Variants in CEP104 observed in about 807,000 individuals in gnomAD.
CEP104 encodes centrosomal protein 104.
A neutral mutation model predicts 113.3 loss-of-function variants in CEP104; 84 were observed. The observed-to-expected ratio is 0.74, with a 90% CI of 0.62 to 0.89. The LOEUF (loss-of-function observed/expected upper bound fraction) is 0.89. CEP104 is among the 40% of genes least tolerant of loss of function. The probability of loss-of-function intolerance (pLI) is 0.00; values close to 1 mark genes in which losing one functional copy is unlikely to be tolerated. For missense variants in CEP104, 1,053 were observed against 1,156.6 expected (o/e 0.91, Z 1.30); for synonymous variants, 378 against 421.7 (o/e 0.90, Z 1.27).
Position 3,850,924 on chromosome 1 carries a change from TC to T in CEP104, c.113+1370del, listed in dbSNP as rs1317819228. Among the ~76,000 whole-genome samples, 3 of 152,300 alleles carry T rather than the reference TC, an allele frequency of 2.0e-5. No homozygotes were observed. The East Asian group carries it at 5.8e-4, about 29-fold the overall frequency. On this transcript the variant is annotated intron_variant, in intron 2 of 21. Transcript: ENST00000378230. The stretch of plus-strand genomic sequence containing the variant: ...TGTGTGTATACTTGAGAATCTTCAA[TC>T]CCCAAATAACACGGAACATGTGCTG...
chr1:3,823,699 T>C lies in CEP104; in HGVS notation c.2365-137A>G. 2 of 1,019,656 alleles carry C rather than the reference T, an allele frequency of 2.0e-6. No homozygotes were observed. The highest frequency in any genetic ancestry group is 1.6e-5 in the African/African-American group (1 of 62,604). The allele number at this position is 1,019,656 out of a possible 1,614,324, so 63.2% of individuals were successfully genotyped here. A position where few individuals can be genotyped will look rare whatever the true frequency, so the allele number is the denominator to read the frequency against. On this transcript the variant is annotated intron_variant, in intron 18 of 21. Coordinates refer to ENST00000378230, the MANE Select transcript of CEP104 (RefSeq NM_014704.4). This position sits in a 1 kb window ranked among gnomAD's most constrained non-coding sequence, Gnocchi z 4.1. ...GCACATGAAGTAAGCCACAGGCTTC[T>C]ATCTTCGGCATTTGCCCACAGACTG... is the stretch of plus-strand genomic sequence containing the variant.
At chr1:3,831,303 T>A in intron 12 of CEP104, 81 bp from the exon 13 acceptor site, 1 of 1,257,704 alleles carries the variant, frequency 8.0e-7, no homozygotes, top group Non-Finnish European at 1.1e-6. Flanking sequence ...GATCTTAAAC[T>A]AAACACTGAA....
At chr1:3,830,768 C>T (rs1246903250) in intron 13 of CEP104, among the ~76,000 whole-genome samples, 3 of 101,778 alleles carry the variant, frequency 2.9e-5, no homozygotes, top group African/African-American at 8.1e-5. Flanking sequence ...CAGAACGAGA[C>T]TCCATCTCAA....
chr1:3,824,366 G>A lies in CEP104; in HGVS notation c.2365-804C>T, dbSNP rs189655675. On this transcript the variant is annotated intron_variant, in intron 18 of 21. Transcript: ENST00000378230. ...CTCCCCAAGTGCTAGGATTACAGGC[G>A]TGAGCCACCTGCCCAGCCAGGTATT... 3.5e-4 allele frequency among the ~76,000 whole-genome samples: 53 copies of A among 152,330 alleles called. 1 individual carries two copies. Among genetic ancestry groups the A allele is most frequent in the Middle Eastern group, 3.4e-3 (1 of 294 alleles).
chr1:3,830,079 C>A (rs972723136), intron 13 of CEP104, 82 bp from the exon 14 acceptor site: 2 of 1,003,062 alleles, frequency 2.0e-6, no homozygotes, highest in South Asian at 2.8e-5. Context: ...ACATTATAAA[C>A]ATGTGAAAAA....
In CEP104 at chr1:3,845,512, T is replaced by C. The variant is rs6699784; in HGVS notation, c.427-161A>G. 0.36 allele frequency among the ~76,000 whole-genome samples: 55,378 copies of C among 151,930 alleles called. 10,782 individuals are homozygous for C. The highest frequency in any genetic ancestry group is 0.46 in the Admixed American group (7,008 of 15,246). On this transcript the variant is annotated intron_variant, in intron 4 of 21. Coordinates refer to ENST00000378230, the MANE Select transcript of CEP104 (RefSeq NM_014704.4). ...GCCTTGACCTCCCGGGCTCAAGGGA[T>C]CCTTCACCTTAGCTGCCCTGGTAGC... is the stretch of plus-strand genomic sequence containing the variant.
intron 13 of CEP104, among the ~76,000 whole-genome samples, chr1:3,830,459 C>T (rs72640913): frequency 3.5e-4 from 54 of 152,128 alleles, no homozygotes; most frequent in Middle Eastern, 3.4e-3. Flanking sequence ...CTGATATTCT[C>T]CATCACACTG....
intron 20 of CEP104, among the ~76,000 whole-genome samples, chr1:3,821,511 G>T (rs1020713560): frequency 5.3e-5 from 8 of 152,224 alleles, no homozygotes; most frequent in African/African-American, 1.9e-4. Context: ...ACGAGCTTCT[G>T]CTTAGAGGAA....
rs1644028133 is a variant in CEP104, at chr1:3,823,741, A to G, written c.2365-179T>C. On this transcript the variant is annotated intron_variant, in intron 18 of 21. Transcript: ENST00000378230. This position sits in a 1 kb window ranked among gnomAD's most constrained non-coding sequence, Gnocchi z 4.1. Reference sequence around the variant, plus strand: ...CACAGACTGTCTGGAGTCACTTGTGATACTTTGCTGAAGACCCCACGTCCT... The same window carrying G: ...CACAGACTGTCTGGAGTCACTTGTGGTACTTTGCTGAAGACCCCACGTCCT... Among the ~76,000 whole-genome samples the G allele has an allele frequency of 6.6e-6, 1 of 152,166 alleles. No homozygotes were observed. The highest frequency in any genetic ancestry group is 1.5e-5 in the Non-Finnish European group (1 of 68,018).
At chr1:3,851,595 A>C (rs1358112496) in intron 2 of CEP104, among the ~76,000 whole-genome samples, 4 of 152,188 alleles carry the variant, frequency 2.6e-5, no homozygotes, top group Non-Finnish European at 5.9e-5. Context: ...TAAAGACCAA[A>C]GCAGCAGAGG....
chr1:3,815,914 T>C (rs1463017667), intron 21 of CEP104, among the ~76,000 whole-genome samples: 1 of 152,196 alleles, frequency 6.6e-6, no homozygotes, highest in Non-Finnish European at 1.5e-5. Flanking sequence ...CCTCAAGTGA[T>C]CTGCCTGCCT....
At chr1:3,824,175 CT>C (rs1444321418) in intron 18 of CEP104, among the ~76,000 whole-genome samples, 1 of 151,348 alleles carries the variant, frequency 6.6e-6, no homozygotes, top group African/African-American at 2.4e-5. Context: ...CAACCTCTGC[CT>C]CCCGGGTTCA....
chr1:3,831,139 A>T lies in CEP104; in HGVS notation c.1743T>A (p.Val581=). 1 of 1,614,268 alleles carries T rather than the reference A, an allele frequency of 6.2e-7. No individual in the cohort carries two copies. ...GGCCCATCTGACTCATTGCCAGGTG[A>T]ACTGAAGAGTTTGCTTTCAATGGCT... The part of the protein sequence containing the change: ...LVQPLKANSS[V]HLAMSQMGLL... Residue 581 remains valine, a synonymous_variant, in exon 13 of 22, where the codon GTT becomes GTA. Coordinates refer to ENST00000378230, the MANE Select transcript of CEP104 (RefSeq NM_014704.4).
At chr1:3,846,710 T>C (rs1017060062) in intron 4 of CEP104, among the ~76,000 whole-genome samples, 20 of 152,196 alleles carry the variant, frequency 1.3e-4, no homozygotes, top group African/African-American at 4.3e-4. Context: ...GGCAGCTTAA[T>C]TGGACCTTTG....
intron 15 of CEP104, among the ~76,000 whole-genome samples, chr1:3,828,725 A>G (rs961683523): frequency 3.3e-5 from 5 of 152,154 alleles, no homozygotes; most frequent in Non-Finnish European, 7.4e-5. Context: ...CAACTGAAGG[A>G]AACTTCATCA....
At chr1:3,830,140 A>C in intron 13 of CEP104, 143 bp from the exon 14 acceptor site, 1 of 631,574 alleles carries the variant, frequency 1.6e-6, no homozygotes. Context: ...CAAACATAAA[A>C]CCTCACGGAT....
At chr1:3,831,451 A>G (rs1644205065) in intron 12 of CEP104, among the ~76,000 whole-genome samples, 1 of 152,260 alleles carries the variant, frequency 6.6e-6, no homozygotes, top group Non-Finnish European at 1.5e-5. Flanking sequence ...CATGAAGAAT[A>G]AAACGATTTT....
chr1:3,847,608 A>G lies in CEP104; in HGVS notation c.293T>C (p.Val98Ala), dbSNP rs1263956863. The stretch of plus-strand genomic sequence containing the variant: ...TGTCTTTTCATTATCACAGAGAGAC[A>G]CGTAGCTGAAAAACAAAACACAACT... The part of the protein sequence containing the change: ...QAERFRRLGY[V>A]SLCDNEKTGC... The change falls in exon 4 of 22, where the codon GTG (valine) becomes GCG (alanine). Residue 98 changes from valine (V) to alanine (A), a missense_variant. Physicochemically the swap from Val to Ala is moderately conservative, Grantham distance 64. Transcript: ENST00000378230. 2 of 1,614,070 alleles carry G rather than the reference A, an allele frequency of 1.2e-6. No homozygotes were observed. The highest frequency in any genetic ancestry group is 1.7e-6 in the Non-Finnish European group (2 of 1,180,040).
intron 21 of CEP104, 134 bp downstream of exon 21, chr1:3,816,146 A>G: frequency 1.4e-6 from 1 of 704,272 alleles, no homozygotes. Flanking sequence ...CAGAACATGA[A>G]GACAGGCTTG....
Sources: allele counts gnomAD v4.1 joint callset (sites outside exome capture counted in the v4.1 genomes callset), GRCh38; gene constraint gnomAD v4.1.1; non-coding constraint Gnocchi (gnomAD v3.1); transcripts MANE v1.5; gene names NCBI Gene and HGNC (gene_info 2026-07-23, HGNC 2026-07-21).